NRP1: variants seen among roughly 807,000 people sequenced by gnomAD.
The protein encoded by NRP1 is neuropilin 1, also known as neuropilin-1.
A neutral mutation model predicts 106.7 loss-of-function variants in NRP1; 35 were observed. That is an observed-to-expected ratio of 0.33 (90% CI 0.25 to 0.43). NRP1 has a LOEUF of 0.43. Among genes scored for constraint, NRP1 ranks in the 20% least tolerant of loss-of-function variants. NRP1 has a pLI of 1.00. For synonymous variants in NRP1, 437 were observed against 417.9 expected (o/e 1.05, Z -0.56); for missense variants, 1,024 against 1,170.4 (o/e 0.87, Z 1.83).
chr10:33,268,893 T>C (rs7095842), intron 3 of NRP1, among the ~76,000 whole-genome samples: 14,127 of 152,270 alleles, frequency 0.093, 769 homozygotes, highest in Middle Eastern at 0.17. Context: ...CTTAGATGAA[T>C]TTCTGAAAGT....
At chr10:33,302,028 AGAGAGAAAGGAGT>A (rs1294636205) in intron 2 of NRP1, among the ~76,000 whole-genome samples, 1 of 152,202 alleles carries the variant, frequency 6.6e-6, no homozygotes, top group African/African-American at 2.4e-5. Context: ...AGACAGAGAG[AGAGAGAAAGGAGT>A]TTTGATTTTC....
intron 8 of NRP1, among the ~76,000 whole-genome samples, chr10:33,215,576 T>C (rs1005230503): frequency 6.6e-6 from 1 of 152,298 alleles, no homozygotes; most frequent in East Asian, 1.9e-4. Flanking sequence ...ATCAAGAACA[T>C]GTGCAAGAAT....
intron 12 of NRP1, among the ~76,000 whole-genome samples, chr10:33,197,102 G>A (rs970631634): frequency 5.3e-5 from 8 of 152,114 alleles, no homozygotes; most frequent in African/African-American, 1.2e-4. Context: ...TTTAAAAGTC[G>A]TTACGCTTTT....
At chr10:33,289,336 A>G (rs1157880206) in intron 2 of NRP1, among the ~76,000 whole-genome samples, 2 of 152,174 alleles carry the variant, frequency 1.3e-5, no homozygotes, top group Non-Finnish European at 2.9e-5. Context: ...TCTCACCAAG[A>G]CCTTCTGGGA....
At chr10:33,317,261 A>G (rs2776937) in intron 2 of NRP1, among the ~76,000 whole-genome samples, 91,226 of 152,066 alleles carry the variant, frequency 0.6, 31,903 homozygotes, top group Non-Finnish European at 0.76. Flanking sequence ...ATAAGGAGCT[A>G]GAATAGTAAC....
At chr10:33,315,514 A>G (rs1483519244) in intron 2 of NRP1, among the ~76,000 whole-genome samples, 1 of 152,220 alleles carries the variant, frequency 6.6e-6, no homozygotes, top group Non-Finnish European at 1.5e-5. Context: ...CCATTGGCCA[A>G]TTCAATTTGG....
chr10:33,270,279 T>C (rs1296314415), intron 3 of NRP1, among the ~76,000 whole-genome samples: 1 of 152,208 alleles, frequency 6.6e-6, no homozygotes, highest in Non-Finnish European at 1.5e-5. Context: ...GCATTACTTC[T>C]GACTTCCTTT....
intron 13 of NRP1, among the ~76,000 whole-genome samples, chr10:33,188,614 C>T (rs973514333): frequency 7.9e-5 from 12 of 151,980 alleles, no homozygotes; most frequent in East Asian, 1.9e-4. Flanking sequence ...CGGTGGTCCA[C>T]GCCTGTAATC....
chr10:33,317,742 A>T (rs1847141004), intron 2 of NRP1, among the ~76,000 whole-genome samples: 1 of 152,236 alleles, frequency 6.6e-6, no homozygotes, highest in African/African-American at 2.4e-5. Context: ...AGTTCGTGAC[A>T]CTGAAATAGC....
chr10:33,309,377 C>A (rs1196834504), intron 2 of NRP1, among the ~76,000 whole-genome samples: 2 of 152,214 alleles, frequency 1.3e-5, no homozygotes, highest in Non-Finnish European at 2.9e-5. Flanking sequence ...AGATCTTGAT[C>A]ATCTTGCTTC....
At position 33,179,594 on chromosome 10, in the gene NRP1, G is replaced by A. The variant is rs116715236; in HGVS notation, c.*482C>T. On this transcript the variant is annotated 3_prime_UTR_variant, in exon 17 of 17. Transcript: ENST00000374867. ...TAATCCTTCTTTGCCTATGCACGAC[G>A]CGGGCAATTATACACAAGTACAACT... The A allele has an allele frequency of 6.0e-3, 960 of 160,128 alleles. 13 individuals carry two copies. Among genetic ancestry groups the A allele is most frequent in the African/African-American group, 0.021 (881 of 41,634 alleles). 9.9% of individuals were successfully genotyped at this position (160,128 alleles called of 1,614,324 possible). A position where few individuals can be genotyped will look rare whatever the true frequency, so the allele number is the denominator to read the frequency against.
chr10:33,285,467 G>T (rs568007465), intron 2 of NRP1, among the ~76,000 whole-genome samples: 14 of 152,146 alleles, frequency 9.2e-5, no homozygotes, highest in Non-Finnish European at 1.6e-4. Flanking sequence ...GTGATGATGA[G>T]AAATTTTTTC....
intron 2 of NRP1, among the ~76,000 whole-genome samples, chr10:33,301,123 T>C (rs1243865716): frequency 6.6e-6 from 1 of 152,204 alleles, no homozygotes; most frequent in Non-Finnish European, 1.5e-5. Context: ...TGTTGTATTA[T>C]TCAAATAGGA....
intron 3 of NRP1, among the ~76,000 whole-genome samples, chr10:33,266,130 A>G (rs1031455255): frequency 6.6e-6 from 1 of 152,154 alleles, no homozygotes; most frequent in African/African-American, 2.4e-5. Context: ...TCTCCTTCTT[A>G]AAAAGATAAA....
In NRP1 at chr10:33,256,964, G is replaced by A. The variant is rs558820990; in HGVS notation, c.659-493C>T. 4.2e-4 allele frequency among the ~76,000 whole-genome samples: 64 copies of A among 152,242 alleles called. No homozygotes were observed. In the South Asian group the frequency reaches 8.9e-3, roughly 21 times the overall value. On this transcript the variant is annotated intron_variant, in intron 4 of 16. Transcript: ENST00000374867. ...GATCAGTCCCAGGGGTCTGATCCAC[G>A]ATTGACCTGCAATTGGCTTCCTCAT...
At chr10:33,301,124 T>G (rs1240558276) in intron 2 of NRP1, among the ~76,000 whole-genome samples, 1 of 152,158 alleles carries the variant, frequency 6.6e-6, no homozygotes, top group Non-Finnish European at 1.5e-5. Flanking sequence ...GTTGTATTAT[T>G]CAAATAGGAG....
chr10:33,211,476 G>T (rs1264151803), intron 9 of NRP1: 1 of 152,126 alleles, frequency 6.6e-6, no homozygotes, highest in African/African-American at 2.4e-5. Context: ...AAATGAAAGG[G>T]ACACAAGAAA....
intron 2 of NRP1, among the ~76,000 whole-genome samples, chr10:33,273,092 G>T (rs1456844113): frequency 8.8e-6 from 1 of 113,368 alleles, no homozygotes; most frequent in East Asian, 3.3e-4. Context: ...GTGGGGTGGT[G>T]AGTGGGGGGT....
At chr10:33,205,271 C>T (rs1380516922) in intron 10 of NRP1, among the ~76,000 whole-genome samples, 4 of 152,180 alleles carry the variant, frequency 2.6e-5, no homozygotes, top group African/African-American at 4.8e-5. Context: ...GTTTCACATA[C>T]GGCCCAGGGC....
Sources: gnomAD v4.1 joint callset for allele counts (sites outside exome capture counted in the v4.1 genomes callset) on GRCh38, gnomAD v4.1.1 for gene constraint, MANE v1.5 for transcripts, NCBI Gene and HGNC (gene_info 2026-07-23, HGNC 2026-07-21) for gene names.